The following KIRREL3 variants were observed in gnomAD, a reference collection of about 807,000 sequenced individuals.
KIRREL3 encodes the protein kin of IRRE-like protein 3.
A neutral mutation model predicts 89.7 loss-of-function variants in KIRREL3; 36 were observed. The observed-to-expected ratio is 0.40, with a 90% CI of 0.31 to 0.53. The LOEUF is 0.53. KIRREL3 is among the 20% of genes least tolerant of loss of function. The pLI is 0.49. For synonymous variants in KIRREL3, 445 were observed against 441.4 expected (o/e 1.01, Z -0.10); for missense variants, 864 against 1,056.6 (o/e 0.82, Z 2.53).
chr11:126,773,995 C>T lies in KIRREL3; in HGVS notation c.56-211083G>A, dbSNP rs538433220. Among the ~76,000 whole-genome samples, 5 of 152,010 alleles carry T rather than the reference C, an allele frequency of 3.3e-5. No homozygotes were observed. Among genetic ancestry groups the T allele is most frequent in the Middle Eastern group, 3.4e-3 (1 of 294 alleles). On this transcript the variant is annotated intron_variant, in intron 1 of 16. Coordinates refer to ENST00000525144, the MANE Select transcript of KIRREL3 (RefSeq NM_032531.4). The surrounding 1 kb of genome is among the most constrained non-coding windows in gnomAD (Gnocchi z 4.2). Reference sequence around the variant, plus strand: ...AAGCCAGGGACAGGGTAAGAGTCTCCGGCTGGAGAAAAAAGTGATGGGGTC... The same window carrying T: ...AAGCCAGGGACAGGGTAAGAGTCTCTGGCTGGAGAAAAAAGTGATGGGGTC...
chr11:126,876,851 T>A lies in KIRREL3; in HGVS notation c.55+123604A>T, dbSNP rs543992603. ...TGCCTGGCCATAAATATGTTTTTAA[T>A]GAATACAAAAAGAATGTCTTCTTTA... On this transcript the variant is annotated intron_variant, in intron 1 of 16. Transcript: ENST00000525144. The surrounding 1 kb of genome is among the most constrained non-coding windows in gnomAD (Gnocchi z 4.1). Among the ~76,000 whole-genome samples, 3 of 152,302 alleles carry A rather than the reference T, an allele frequency of 2.0e-5. No individual in the cohort carries two copies. Among genetic ancestry groups the A allele is most frequent in the East Asian group, 3.9e-4 (2 of 5,180 alleles).
rs1940271681 is a variant in KIRREL3, at chr11:126,563,366, A to G, written c.56-454T>C. Among the ~76,000 whole-genome samples, 1 of 152,210 alleles carries G rather than the reference A, an allele frequency of 6.6e-6. No individual in the cohort carries two copies. Among genetic ancestry groups the G allele is most frequent in the Non-Finnish European group, 1.5e-5 (1 of 68,034 alleles). On this transcript the variant is annotated intron_variant, in intron 1 of 16. Coordinates refer to ENST00000525144, the MANE Select transcript of KIRREL3 (RefSeq NM_032531.4). The surrounding 1 kb of genome is among the most constrained non-coding windows in gnomAD (Gnocchi z 6.8). ...ATGCAGAATCTATCCAGTCGTGTCT[A>G]GGATGGAACAGTGCAACCAGACATG...
intron 11 of KIRREL3, among the ~76,000 whole-genome samples, chr11:126,437,841 G>A (rs1028756531): frequency 7.9e-5 from 12 of 151,748 alleles, no homozygotes; most frequent in Non-Finnish European, 1.6e-4. Flanking sequence ...ACACACATTC[G>A]CCATACACAC....
chr11:126,467,241 C>T (rs1205256907), intron 5 of KIRREL3, among the ~76,000 whole-genome samples: 1 of 152,216 alleles, frequency 6.6e-6, no homozygotes, highest in African/African-American at 2.4e-5. Flanking sequence ...CAGGGCTGTG[C>T]ACCCACCCCC....
intron 1 of KIRREL3, among the ~76,000 whole-genome samples, chr11:126,832,102 G>C (rs1943627658): frequency 6.6e-6 from 1 of 152,090 alleles, no homozygotes; most frequent in African/African-American, 2.4e-5. Context: ...TTAAGATGAG[G>C]AAAATGAGCC....
intron 1 of KIRREL3, among the ~76,000 whole-genome samples, chr11:126,885,302 T>C (rs977784086): frequency 6.6e-6 from 1 of 152,210 alleles, no homozygotes; most frequent in Non-Finnish European, 1.5e-5. Context: ...TATCCCAGTA[T>C]GGTGCCATCT....
chr11:126,993,261 T>C lies in KIRREL3; in HGVS notation c.55+7194A>G, dbSNP rs1191520513. Reference sequence around the variant, plus strand: ...CTCAAAAGATGTATAATGGCACCCATGGCCATTCACGAGTTGACTCTTCCC... The same window carrying C: ...CTCAAAAGATGTATAATGGCACCCACGGCCATTCACGAGTTGACTCTTCCC... On this transcript the variant is annotated intron_variant, in intron 1 of 16. Transcript: ENST00000525144. This position sits in a 1 kb window ranked among gnomAD's most constrained non-coding sequence, Gnocchi z 6.1. Among the ~76,000 whole-genome samples, 1 of 152,184 alleles carries C rather than the reference T, an allele frequency of 6.6e-6. No individual in the cohort carries two copies. The highest frequency in any genetic ancestry group is 2.4e-5 in the African/African-American group (1 of 41,446).
In KIRREL3 at chr11:126,521,173, T is replaced by C. The variant is rs1479193796; in HGVS notation, c.433+142A>G. The C allele has an allele frequency of 6.9e-6, 6 of 868,810 alleles. No homozygotes were observed. The highest frequency in any genetic ancestry group is 3.6e-4 in the Middle Eastern group (1 of 2,754). The allele number at this position is 868,810 out of a possible 1,614,324, so 53.8% of individuals were successfully genotyped here. On this transcript the variant is annotated intron_variant, in intron 4 of 16. Coordinates refer to ENST00000525144, the MANE Select transcript of KIRREL3 (RefSeq NM_032531.4). The surrounding 1 kb of genome is among the most constrained non-coding windows in gnomAD (Gnocchi z 4.1). ...TGGGTGGGAAGGTGGGCATGGATAT[T>C]GTGGAAGCAGCAGTGTCTGGAGCCC... is the stretch of plus-strand genomic sequence containing the variant.
intron 2 of KIRREL3, among the ~76,000 whole-genome samples, chr11:126,540,230 T>A (rs762322930): frequency 5.9e-5 from 9 of 152,192 alleles, no homozygotes; most frequent in Non-Finnish European, 1.3e-4. Flanking sequence ...TTGATTCTGA[T>A]ACACACGTAA....
chr11:126,583,466 C>G (rs1164363351), intron 1 of KIRREL3, among the ~76,000 whole-genome samples: 1 of 152,176 alleles, frequency 6.6e-6, no homozygotes, highest in Admixed American at 6.5e-5. Context: ...AGGGCCTCAG[C>G]ACGAGCACCA....
At chr11:126,667,360 G>A (rs924478829) in intron 1 of KIRREL3, among the ~76,000 whole-genome samples, 1 of 152,230 alleles carries the variant, frequency 6.6e-6, no homozygotes, top group Non-Finnish European at 1.5e-5. Flanking sequence ...AATGGCTGCT[G>A]GAGCAACAAT....
chr11:126,480,668 C>G (rs956885492), intron 4 of KIRREL3, among the ~76,000 whole-genome samples: 3 of 152,236 alleles, frequency 2.0e-5, no homozygotes, highest in Non-Finnish European at 2.9e-5. Flanking sequence ...GGCTCTCTGC[C>G]TGTCCCAGGG....
Position 126,436,878 on chromosome 11 carries a change from G to T in KIRREL3, c.1485C>A (p.Thr495=). Residue 495 remains threonine, a synonymous_variant, in exon 12 of 17, where the codon ACC becomes ACA. Transcript: ENST00000525144. ...TGTTCCAGGCCGTGCAGTTGTAGAT[G>T]GTCTGGAAGTCGGCCCGCACGATGT... ...ISNIVRADFQ[T]IYNCTAWNSF... is the part of the protein sequence containing the mutation. The T allele has an allele frequency of 6.2e-7, 1 of 1,613,710 alleles. No homozygotes were observed. Among genetic ancestry groups the T allele is most frequent in the Non-Finnish European group, 8.5e-7 (1 of 1,179,856 alleles).
chr11:126,956,282 C>T (rs546217013), intron 1 of KIRREL3, among the ~76,000 whole-genome samples: 5 of 152,310 alleles, frequency 3.3e-5, no homozygotes, highest in South Asian at 2.1e-4. Context: ...CTAGAGACTC[C>T]GCTCAGCTCT....
In KIRREL3 at chr11:126,984,192, T is replaced by C. The variant is rs144027210; in HGVS notation, c.55+16263A>G. ...AGGCAAGTACCTCACCTCTGAATAG[T>C]GCCCTTCATAGAGTTTCAAAGCCCT... On this transcript the variant is annotated intron_variant, in intron 1 of 16. Transcript: ENST00000525144. Among the ~76,000 whole-genome samples, 187 of 152,296 alleles carry C rather than the reference T, an allele frequency of 1.2e-3. 2 individuals are homozygous for C. In the East Asian group the frequency reaches 0.034, roughly 27 times the overall value.
intron 1 of KIRREL3, among the ~76,000 whole-genome samples, chr11:126,998,362 A>G (rs1248996731): frequency 6.6e-6 from 1 of 152,102 alleles, no homozygotes; most frequent in African/African-American, 2.4e-5. Context: ...GAAGCACACC[A>G]TGTACAGGGA....
intron 1 of KIRREL3, among the ~76,000 whole-genome samples, chr11:126,786,371 C>T (rs1950488187): frequency 1.3e-5 from 2 of 151,960 alleles, no homozygotes; most frequent in South Asian, 2.1e-4. Flanking sequence ...CTTTGGTTTC[C>T]AAATTTTCTA....
At chr11:126,809,086 T>C (rs960154716) in intron 1 of KIRREL3, among the ~76,000 whole-genome samples, 1 of 152,154 alleles carries the variant, frequency 6.6e-6, no homozygotes, top group African/African-American at 2.4e-5. Context: ...GCATGGCTAG[T>C]TGTTCAGCAG....
chr11:126,473,715 A>G (rs1956992066), intron 4 of KIRREL3, among the ~76,000 whole-genome samples: 1 of 152,166 alleles, frequency 6.6e-6, no homozygotes, highest in Non-Finnish European at 1.5e-5. Context: ...CCAGGAGGGG[A>G]CAGGGCCAGC....
Sources: gnomAD v4.1 joint callset for allele counts (sites outside exome capture counted in the v4.1 genomes callset) on GRCh38, gnomAD v4.1.1 for gene constraint, Gnocchi (gnomAD v3.1) non-coding constraint, MANE v1.5 for transcripts, NCBI Gene and HGNC (gene_info 2026-07-23, HGNC 2026-07-21) for gene names.